Variants in HAUS7 observed in about 807,000 individuals in gnomAD.
The protein encoded by HAUS7 is HAUS augmin like complex subunit 7.
A neutral mutation model predicts 28.4 loss-of-function variants in HAUS7; 3 were observed. The observed-to-expected ratio is 0.11, with a 90% CI of 0.05 to 0.27. HAUS7 has a LOEUF of 0.27. Ranked by LOEUF, HAUS7 falls within the 10% of genes least tolerant of loss-of-function variation. The pLI is 1.00. For missense variants in HAUS7, 284 were observed against 297.3 expected (o/e 0.96, Z 0.33); for synonymous variants, 165 against 132.1 (o/e 1.25, Z -1.71).
At chrX:153,482,440 G>C in intron 1 of HAUS7, 1 of 756,470 alleles carries the variant, frequency 1.3e-6, no homozygotes, top group South Asian at 6.7e-5. Flanking sequence ...TGCAGGGCTT[G>C]CAAGGCAGCA....
intron 8 of HAUS7, chrX:153,455,215 C>T (rs1386742463): frequency 1.4e-5 from 6 of 425,147 alleles, no homozygotes; most frequent in Admixed American, 3.9e-5. Flanking sequence ...TGGAGCGTAA[C>T]GTGACAACAG....
At chrX:153,489,073 G>C (rs1195154712) in intron 1 of HAUS7, among the ~76,000 whole-genome samples, 1 of 112,878 alleles carries the variant, frequency 8.9e-6, no homozygotes, top group Non-Finnish European at 1.9e-5. Flanking sequence ...CCACAGGCCC[G>C]GCCAGGCCTC....
intron 8 of HAUS7, 58 bp downstream of exon 8, chrX:153,455,484 C>G: frequency 3.8e-6 from 3 of 794,177 alleles, no homozygotes; most frequent in Non-Finnish European, 5.7e-6. Flanking sequence ...GATATAAGCT[C>G]TCAGTCTGAG....
intron 1 of HAUS7, 59 bp downstream of exon 1, chrX:153,470,391 C>T: frequency 1.7e-6 from 2 of 1,146,664 alleles, no homozygotes; most frequent in East Asian, 3.1e-5. Flanking sequence ...CCCTCCCGGG[C>T]CTCGGGCGGG....
intron 1 of HAUS7, among the ~76,000 whole-genome samples, chrX:153,492,734 C>A (rs1035720399): frequency 1.1e-4 from 12 of 111,321 alleles, no homozygotes; most frequent in Admixed American, 9.5e-5. Context: ...CTCCCCACAC[C>A]CCCCCGCACG....
chrX:153,492,991 G>C (rs782019985), intron 1 of HAUS7, among the ~76,000 whole-genome samples: 2 of 112,112 alleles, frequency 1.8e-5, no homozygotes, highest in African/African-American at 6.5e-5. Context: ...GGCATGCCTT[G>C]AGTGGGTTTC....
At chrX:153,454,531 AGGG>A in intron 8 of HAUS7, 23 bp from the exon 9 acceptor site, 2 of 74,243 alleles carry the variant, frequency 2.7e-5, no homozygotes, top group Admixed American at 2.6e-4. Context: ...GGAGGGAGGG[AGGG>A]AGGGAGGGAG....
At chrX:153,448,392 T>G in intron 9 of HAUS7, among the ~76,000 whole-genome samples, 1 of 46,090 alleles carries the variant, frequency 2.2e-5, no homozygotes, top group South Asian at 2.0e-3. Context: ...TGGGGCCTGT[T>G]GTGGGGTGGG....
At chrX:153,486,093 T>C in intron 1 of HAUS7, 7 of 945,191 alleles carry the variant, frequency 7.4e-6, no homozygotes, top group Non-Finnish European at 9.5e-6. Context: ...CACAACAGGA[T>C]CAGGTAGGGC....
At chrX:153,459,567 T>C (rs2089360821) in intron 4 of HAUS7, among the ~76,000 whole-genome samples, 2 of 111,868 alleles carry the variant, frequency 1.8e-5, no homozygotes, top group Non-Finnish European at 3.8e-5. Flanking sequence ...TCTCTGACTA[T>C]TGCTAGTTGG....
intron 1 of HAUS7, chrX:153,481,068 AC>A: frequency 1.4e-6 from 1 of 719,874 alleles, no homozygotes; most frequent in Non-Finnish European, 1.6e-6. Context: ...GGCTGACAGG[AC>A]CACGCATGAG....
chrX:153,481,939 C>A, intron 1 of HAUS7: 2 of 698,861 alleles, frequency 2.9e-6, no homozygotes, highest in Non-Finnish European at 3.4e-6. Context: ...TGCTGTGGCC[C>A]ATTCACCTCT....
rs782269513 is a variant in HAUS7, at chrX:153,449,857, TTC to T, written c.1046-1950_1046-1949del. Among the ~76,000 whole-genome samples, 28 of 112,619 alleles carry T rather than the reference TTC, an allele frequency of 2.5e-4. No homozygotes were observed. In the South Asian group the frequency reaches 6.9e-3, roughly 28 times the overall value. On this transcript the variant is annotated intron_variant, in intron 9 of 9. Transcript: ENST00000370211. ...GTGATGCTGATCTTTGTGCTGGTTT[TTC>T]TCTCTGTTTTCTCTCTTCTTAGAGA...
intron 9 of HAUS7, among the ~76,000 whole-genome samples, chrX:153,448,449 C>G (rs1235861020): frequency 2.8e-5 from 3 of 106,969 alleles, no homozygotes; most frequent in Admixed American, 9.9e-5. Flanking sequence ...ATGTAAATGA[C>G]GAGTTAATGG....
chrX:153,456,583 G>A lies in HAUS7; in HGVS notation c.515C>T (p.Pro172Leu). 1 of 1,177,945 alleles carries A rather than the reference G, an allele frequency of 8.5e-7. No homozygotes were observed. Among genetic ancestry groups the A allele is most frequent in the South Asian group, 1.9e-5 (1 of 53,201 alleles). ...EALLGELFSSPHLQMLLNPEC... is the reference protein window; with the variant it reads ...EALLGELFSSLHLQMLLNPEC... ...TGGATTCAGGAGCATCTGCAGGTGG[G>A]GGCTAGAGAAGAGCTCCCCCAGCAA... The change falls in exon 6 of 10, where the codon CCC (proline) becomes CTC (leucine). Residue 172 changes from proline (P) to leucine (L), a missense_variant. Coordinates refer to ENST00000370211, the MANE Select transcript of HAUS7 (RefSeq NM_001385482.1).
intron 1 of HAUS7, among the ~76,000 whole-genome samples, chrX:153,485,407 G>A (rs1418891262): frequency 8.9e-6 from 1 of 111,740 alleles, no homozygotes; most frequent in African/African-American, 3.3e-5. Flanking sequence ...CAGGTGTCAG[G>A]ATTAGGAGAC....
intron 1 of HAUS7, among the ~76,000 whole-genome samples, chrX:153,492,589 G>A (rs781798190): frequency 1.4e-4 from 16 of 112,076 alleles, no homozygotes; most frequent in Admixed American, 1.1e-3. Context: ...CAAGGTGCAT[G>A]CATAATGTGT....
chrX:153,490,721 G>C (rs1274816428), intron 1 of HAUS7, among the ~76,000 whole-genome samples: 1 of 112,725 alleles, frequency 8.9e-6, no homozygotes, highest in Non-Finnish European at 1.9e-5. Flanking sequence ...AGGTAACCTC[G>C]ATGTGTGAGT....
At chrX:153,466,332 A>C (rs1404395160) in intron 2 of HAUS7, among the ~76,000 whole-genome samples, 1 of 112,448 alleles carries the variant, frequency 8.9e-6, no homozygotes, top group Non-Finnish European at 1.9e-5. Context: ...ACGCTGCAGA[A>C]GCCCCAGTAG....
Sources: gnomAD v4.1 joint callset for allele counts (sites outside exome capture counted in the v4.1 genomes callset) on GRCh38, gnomAD v4.1.1 for gene constraint, MANE v1.5 for transcripts, NCBI Gene and HGNC (gene_info 2026-07-23, HGNC 2026-07-21) for gene names.